Variants in PPFIBP1 observed in about 807,000 individuals in gnomAD.
PPFIBP1 encodes PPFIB scaffold protein 1.
Under a neutral mutation model 137.8 loss-of-function variants are expected in PPFIBP1, and 112 were observed. The ratio of observed to expected loss-of-function variants is 0.81; its 90% CI spans 0.70 to 0.95. PPFIBP1 has a LOEUF of 0.95. Among genes scored for constraint, PPFIBP1 ranks in the 40% least tolerant of loss-of-function variants. PPFIBP1 has a pLI of 0.00. For synonymous variants in PPFIBP1, 378 were observed against 417.3 expected (o/e 0.91, Z 1.15); for missense variants, 1,083 against 1,196.6 (o/e 0.91, Z 1.40).
intron 1 of PPFIBP1, among the ~76,000 whole-genome samples, chr12:27,554,666 G>A (rs1170281429): frequency 6.6e-6 from 1 of 152,184 alleles, no homozygotes; most frequent in Admixed American, 6.5e-5. Context: ...TGCTGTGAAT[G>A]GAAAGTTCAT....
chr12:27,585,238 T>G (rs928934849), intron 2 of PPFIBP1, among the ~76,000 whole-genome samples: 1 of 152,206 alleles, frequency 6.6e-6, no homozygotes, highest in Non-Finnish European at 1.5e-5. Flanking sequence ...AAAACAGAGG[T>G]GACTTTGTAA....
chr12:27,538,871 A>G lies in PPFIBP1; in HGVS notation c.-124+14506A>G, dbSNP rs1945344950. Among the ~76,000 whole-genome samples, 3 of 152,218 alleles carry G rather than the reference A, an allele frequency of 2.0e-5. No individual in the cohort carries two copies. The South Asian group carries it at 6.2e-4, about 31-fold the overall frequency. ...CAGTAATACTGTATACTTTTGTAGC[A>G]GTAGTTTTCAATTGCAGTGATTTTG... On this transcript the variant is annotated intron_variant, in intron 1 of 29. Transcript: ENST00000228425.
intron 4 of PPFIBP1, among the ~76,000 whole-genome samples, chr12:27,640,445 G>T (rs2058035146): frequency 6.6e-6 from 1 of 152,204 alleles, no homozygotes; most frequent in African/African-American, 2.4e-5. Context: ...AATGAATGAA[G>T]TTGCTGCTAT....
rs766971276 is a variant in PPFIBP1 at position 27,654,706 on chromosome 12, G to T, written c.604-16G>T. On this transcript the variant is annotated splice_polypyrimidine_tract_variant and intron_variant, in intron 7 of 29. Transcript: ENST00000228425. ...TACCACTTTCCTAATGTACTTTCTT[G>T]TTTCTTCTTGGACAGGGGCTGATTC... 1 of 1,605,508 alleles carries T rather than the reference G, an allele frequency of 6.2e-7. No individual in the cohort carries two copies. Among genetic ancestry groups the T allele is most frequent in the South Asian group, 1.1e-5 (1 of 89,398 alleles).
chr12:27,556,109 C>T (rs538016665), intron 1 of PPFIBP1, among the ~76,000 whole-genome samples: 55 of 152,214 alleles, frequency 3.6e-4, no homozygotes, highest in Admixed American at 2.5e-3. Flanking sequence ...TTTTGAGTAA[C>T]CTTGTTGTGG....
chr12:27,564,433 A>G (rs1354630680), intron 1 of PPFIBP1, among the ~76,000 whole-genome samples: 2 of 152,204 alleles, frequency 1.3e-5, no homozygotes, highest in Non-Finnish European at 1.5e-5. Context: ...CCTTTTCATT[A>G]TGATTTACCA....
At position 27,679,657 on chromosome 12, in the gene PPFIBP1, C is replaced by A; in HGVS notation, c.1766+18C>A. 6.2e-7 allele frequency: 1 copy of A among 1,611,558 alleles called. No individual in the cohort carries two copies. The highest frequency in any genetic ancestry group is 8.5e-7 in the Non-Finnish European group (1 of 1,178,144). On this transcript the variant is annotated intron_variant, in intron 20 of 29. Transcript: ENST00000228425. ...TTTGGAAAGTAAGTAAAGCAGTAAA[C>A]AAGTGGAATGGGCCCTGTCTTACAT...
At chr12:27,627,681 A>G (rs779709352) in intron 2 of PPFIBP1, among the ~76,000 whole-genome samples, 3 of 152,186 alleles carry the variant, frequency 2.0e-5, no homozygotes, top group African/African-American at 2.4e-5. Flanking sequence ...GCAAAAAATT[A>G]TGGTGTCCTG....
At chr12:27,603,017 C>T (rs1423605746) in intron 2 of PPFIBP1, among the ~76,000 whole-genome samples, 2 of 152,132 alleles carry the variant, frequency 1.3e-5, no homozygotes, top group Non-Finnish European at 2.9e-5. Context: ...AACATACAGC[C>T]TTTCTTATTG....
intron 2 of PPFIBP1, among the ~76,000 whole-genome samples, chr12:27,587,002 C>T (rs1438897227): frequency 2.0e-5 from 3 of 152,156 alleles, no homozygotes; most frequent in African/African-American, 7.2e-5. Context: ...TCTCCGCATT[C>T]GGCAAAAATT....
intron 2 of PPFIBP1, among the ~76,000 whole-genome samples, chr12:27,625,473 G>T (rs1180592227): frequency 6.6e-6 from 1 of 151,468 alleles, no homozygotes; most frequent in East Asian, 1.9e-4. Context: ...AAGTATAATA[G>T]CATTATTAAT....
intron 1 of PPFIBP1, chr12:27,548,953 A>G (rs1946496789): frequency 6.6e-6 from 1 of 152,232 alleles, no homozygotes; most frequent in African/African-American, 2.4e-5. Context: ...ACTGTTCCTA[A>G]TTCAGAAACT....
chr12:27,577,731 A>G (rs991020998), intron 1 of PPFIBP1, among the ~76,000 whole-genome samples: 14 of 152,216 alleles, frequency 9.2e-5, no homozygotes, highest in Non-Finnish European at 2.1e-4. Flanking sequence ...ACAACAAAAT[A>G]ATAAATTGTG....
At chr12:27,635,160 T>C in intron 4 of PPFIBP1, 45 bp downstream of exon 4, 1 of 1,593,934 alleles carries the variant, frequency 6.3e-7, no homozygotes, top group South Asian at 1.1e-5. Flanking sequence ...CCTTTGTTGC[T>C]TATTCCAAAA....
At chr12:27,601,980 T>A (rs552182559) in intron 2 of PPFIBP1, among the ~76,000 whole-genome samples, 1 of 152,146 alleles carries the variant, frequency 6.6e-6, no homozygotes, top group African/African-American at 2.4e-5. Flanking sequence ...TTTCAAGTGG[T>A]TAGTGACCAC....
rs2061563171 is a variant in PPFIBP1 at position 27,691,771 on chromosome 12, A to C, written c.2708A>C (p.Asn903Thr). 1 of 1,609,688 alleles carries C rather than the reference A, an allele frequency of 6.2e-7. No homozygotes were observed. Among genetic ancestry groups the C allele is most frequent in the Non-Finnish European group, 8.5e-7 (1 of 1,178,464 alleles). Residue 903 changes from asparagine to threonine, a missense_variant, in exon 28 of 30, where the codon AAT (asparagine) becomes ACT (threonine). Coordinates refer to ENST00000228425, the MANE Select transcript of PPFIBP1 (RefSeq NM_003622.4). ...AAGCCAAAGAAACTTGCCTTTAGCA[A>C]TTTTGGGAATTTGAGAAAGAAGAAA... ...KVKPKKLAFS[N>T]FGNLRKKKQE... is the part of the protein sequence containing the mutation.
chr12:27,648,180 G>A (rs1436832017), intron 6 of PPFIBP1, among the ~76,000 whole-genome samples: 1 of 152,002 alleles, frequency 6.6e-6, no homozygotes, highest in Non-Finnish European at 1.5e-5. Context: ...GTTTAAAAAT[G>A]GGTAAAATAT....
chr12:27,614,774 G>A (rs188823011), intron 2 of PPFIBP1, among the ~76,000 whole-genome samples: 394 of 152,256 alleles, frequency 2.6e-3, no homozygotes, highest in Non-Finnish European at 3.3e-3. Context: ...CAGGTTTTAC[G>A]TCAACAAAGA....
chr12:27,610,776 G>A (rs1261541356), intron 2 of PPFIBP1, among the ~76,000 whole-genome samples: 1 of 152,066 alleles, frequency 6.6e-6, no homozygotes. Context: ...AACAAACACT[G>A]AATAAATATT....
Sources: gnomAD v4.1 joint callset for allele counts (sites outside exome capture counted in the v4.1 genomes callset) on GRCh38, gnomAD v4.1.1 for gene constraint, MANE v1.5 for transcripts, NCBI Gene and HGNC (gene_info 2026-07-23, HGNC 2026-07-21) for gene names.